ARHGAP26: variants seen among roughly 807,000 people sequenced by gnomAD.
The protein encoded by ARHGAP26 is Rho GTPase activating protein 26.
In ARHGAP26, 38 loss-of-function variants were observed where a neutral mutation model predicts 104.8. That is an observed-to-expected ratio of 0.36 (90% CI 0.28 to 0.48). ARHGAP26 has a LOEUF of 0.48. Ranked by LOEUF, ARHGAP26 falls within the 20% of genes least tolerant of loss-of-function variation. The pLI is 0.99. For synonymous variants in ARHGAP26, 341 were observed against 340.0 expected, an observed-to-expected ratio of 1.00 and a Z score of -0.03; for missense variants, 704 against 947.9, an observed-to-expected ratio of 0.74 and a Z score of 3.38.
chr5:142,811,954 C>T (rs577009934), intron 1 of ARHGAP26, among the ~76,000 whole-genome samples: 354 of 152,324 alleles, frequency 2.3e-3, no homozygotes, highest in Non-Finnish European at 4.4e-3. Flanking sequence ...GCCTCCTCAC[C>T]TAATCATAGC....
intron 17 of ARHGAP26, among the ~76,000 whole-genome samples, chr5:143,110,168 A>C (rs1221718101): frequency 1.3e-5 from 2 of 151,198 alleles, no homozygotes; most frequent in Non-Finnish European, 2.9e-5. Context: ...TTTCCTCTAT[A>C]CTCCCCATCC....
At chr5:142,892,350 G>C (rs1303826747) in intron 5 of ARHGAP26, among the ~76,000 whole-genome samples, 4 of 151,932 alleles carry the variant, frequency 2.6e-5, no homozygotes, top group African/African-American at 9.7e-5. Context: ...GGCCTTGGGG[G>C]CAGATCCACC....
intron 2 of ARHGAP26, among the ~76,000 whole-genome samples, chr5:142,873,898 GTT>G (rs1755696888): frequency 6.6e-6 from 1 of 152,198 alleles, no homozygotes; most frequent in Non-Finnish European, 1.5e-5. Context: ...ACACAGCCCA[GTT>G]TTCTTTGGCT....
At position 142,963,183 on chromosome 5, in the gene ARHGAP26, T is replaced by TATAC. The variant is rs1562164510; in HGVS notation, c.1107+31061_1107+31062insCATA. Among the ~76,000 whole-genome samples the TATAC allele has an allele frequency of 1.3e-4, 14 of 107,432 alleles. No homozygotes were observed. In the East Asian group the frequency reaches 3.3e-3, roughly 25 times the overall value. 70.5% of individuals were successfully genotyped at this position (107,432 alleles called of 152,430 possible). On this transcript the variant is annotated intron_variant, in intron 11 of 22. Transcript: ENST00000645722. ...TCCATGGTATATATGTATATATATA[T>TATAC]ATATATATATATATATGTGTGTGTG...
At chr5:142,865,478 GTTTTTTTT>G (rs35950662) in intron 1 of ARHGAP26, among the ~76,000 whole-genome samples, 5 of 117,224 alleles carry the variant, frequency 4.3e-5, no homozygotes, top group East Asian at 2.9e-4. Context: ...ACACGGAGAA[GTTTTTTTT>G]TTTTTTTTTT....
intron 14 of ARHGAP26, among the ~76,000 whole-genome samples, chr5:143,051,448 C>T (rs998846124): frequency 6.6e-6 from 1 of 152,146 alleles, no homozygotes; most frequent in African/African-American, 2.4e-5. Context: ...CAGCAGTGGT[C>T]AAGGGACATG....
intron 17 of ARHGAP26, among the ~76,000 whole-genome samples, chr5:143,120,283 G>A (rs969188834): frequency 2.0e-5 from 3 of 152,274 alleles, no homozygotes; most frequent in Middle Eastern, 6.8e-3. Flanking sequence ...ATATGCCTAC[G>A]TCTTTAGCAA....
At chr5:143,143,865 CAT>C (rs1375342313) in intron 19 of ARHGAP26, among the ~76,000 whole-genome samples, 1 of 152,170 alleles carries the variant, frequency 6.6e-6, no homozygotes, top group African/African-American at 2.4e-5. Context: ...CCTTATAGAA[CAT>C]ATGTTTGTGA....
intron 6 of ARHGAP26, among the ~76,000 whole-genome samples, chr5:142,900,773 AT>A (rs2152451257): frequency 6.6e-6 from 1 of 152,310 alleles, no homozygotes; most frequent in Non-Finnish European, 1.5e-5. Context: ...AAAAAAAATC[AT>A]TTAGGGACTG....
At chr5:143,130,618 C>T (rs1797219218) in intron 18 of ARHGAP26, among the ~76,000 whole-genome samples, 1 of 152,206 alleles carries the variant, frequency 6.6e-6, no homozygotes, top group African/African-American at 2.4e-5. Flanking sequence ...TTGAAATCAT[C>T]CCTTCCAAAA....
intron 3 of ARHGAP26, 61 bp from the exon 4 acceptor site, chr5:142,879,313 G>A (rs528771044): frequency 1.3e-6 from 2 of 1,508,162 alleles, no homozygotes; most frequent in East Asian, 4.5e-5. Context: ...TGGAGCTGCT[G>A]TAATTCTTTA....
chr5:143,094,965 C>T (rs1792092880), intron 17 of ARHGAP26, among the ~76,000 whole-genome samples: 2 of 152,104 alleles, frequency 1.3e-5, no homozygotes, highest in South Asian at 4.1e-4. Flanking sequence ...ATTGAACATA[C>T]TGACATACTG....
chr5:142,811,681 G>C lies in ARHGAP26; in HGVS notation c.154+40766G>C, dbSNP rs564106619. Among the ~76,000 whole-genome samples, 11 of 152,106 alleles carry C rather than the reference G, an allele frequency of 7.2e-5. No individual in the cohort carries two copies. The South Asian group carries it at 2.1e-3, about 29-fold the overall frequency. On this transcript the variant is annotated intron_variant, in intron 1 of 22. Transcript: ENST00000645722. ...AGTAATAATAGACTTACCTCCTGGG[G>C]TTATTGTTAAGTTTAAGTGAGCCAA...
At chr5:142,806,008 A>G (rs1450823979) in intron 1 of ARHGAP26, among the ~76,000 whole-genome samples, 1 of 152,246 alleles carries the variant, frequency 6.6e-6, no homozygotes, top group Non-Finnish European at 1.5e-5. Context: ...ATAATGGGTT[A>G]TTCATAAGCC....
intron 20 of ARHGAP26, among the ~76,000 whole-genome samples, chr5:143,175,585 T>C (rs1156578510): frequency 6.6e-6 from 1 of 152,158 alleles, no homozygotes; most frequent in East Asian, 1.9e-4. Flanking sequence ...TGTAAGAGAT[T>C]TCTAATAAAC....
intron 20 of ARHGAP26, 124 bp downstream of exon 20, chr5:143,147,505 C>CAGTTTAGGGAGGAGG: frequency 8.5e-7 from 1 of 1,172,320 alleles, no homozygotes; most frequent in Non-Finnish European, 1.2e-6. Flanking sequence ...AACCTCCTCC[C>CAGTTTAGGGAGGAGG]TAAACTGGGA....
At chr5:142,963,221 C>T (rs2545748) in intron 11 of ARHGAP26, among the ~76,000 whole-genome samples, 10,952 of 61,764 alleles carry the variant, frequency 0.18, 1,697 homozygotes, top group African/African-American at 0.49. Flanking sequence ...TGTGTGTGTG[C>T]GCGTGTGTGT....
chr5:142,986,914 G>A (rs984365575), intron 11 of ARHGAP26, among the ~76,000 whole-genome samples: 22 of 152,156 alleles, frequency 1.4e-4, no homozygotes, highest in African/African-American at 5.3e-4. Flanking sequence ...TAGCTTTGTG[G>A]TATAGTTTGA....
chr5:142,922,941 G>C (rs781380174), intron 10 of ARHGAP26, among the ~76,000 whole-genome samples: 4 of 152,186 alleles, frequency 2.6e-5, no homozygotes, highest in Non-Finnish European at 4.4e-5. Context: ...TCCTTCCTCA[G>C]AGGGTGTTAT....
Sources: gnomAD v4.1 joint callset for allele counts (sites outside exome capture counted in the v4.1 genomes callset) on GRCh38, gnomAD v4.1.1 for gene constraint, MANE v1.5 for transcripts, NCBI Gene and HGNC (gene_info 2026-07-23, HGNC 2026-07-21) for gene names.